Variants in RAB8B observed in about 807,000 individuals in gnomAD.
The protein encoded by RAB8B is RAB8B, member RAS oncogene family.
A neutral mutation model predicts 32.0 loss-of-function variants in RAB8B; 11 were observed. The observed-to-expected ratio is 0.34, with a 90% CI of 0.22 to 0.57. RAB8B has a LOEUF of 0.57. RAB8B is among the 20% of genes least tolerant of loss of function. The pLI, the probability that RAB8B is intolerant of heterozygous loss-of-function variation, is 0.86. For synonymous variants in RAB8B, 103 were observed against 89.6 expected, an observed-to-expected ratio of 1.15 and a Z score of -0.85; for missense variants, 190 against 258.5, an observed-to-expected ratio of 0.73 and a Z score of 1.82.
chr15:63,257,885 ACT>A (rs2038171352), intron 5 of RAB8B, among the ~76,000 whole-genome samples: 1 of 151,376 alleles, frequency 6.6e-6, no homozygotes, highest in African/African-American at 2.4e-5. Context: ...ATGGTGAAAC[ACT>A]GTCTCTACTA....
chr15:63,261,287 G>T (rs1031952504), intron 6 of RAB8B, among the ~76,000 whole-genome samples: 4 of 152,270 alleles, frequency 2.6e-5, no homozygotes, highest in Admixed American at 1.3e-4. Flanking sequence ...TGCTGGAAAG[G>T]ATGTAGAGAA....
chr15:63,260,079 C>A (rs1220210415), intron 6 of RAB8B, among the ~76,000 whole-genome samples: 1 of 152,224 alleles, frequency 6.6e-6, no homozygotes, highest in South Asian at 2.1e-4. Flanking sequence ...GTGATCCCCT[C>A]TCCTTGGCCT....
intron 1 of RAB8B, among the ~76,000 whole-genome samples, chr15:63,206,873 C>T (rs568853176): frequency 2.6e-4 from 40 of 152,116 alleles, no homozygotes; most frequent in Non-Finnish European, 4.9e-4. Flanking sequence ...AAACTGCACT[C>T]AGGTCATCAT....
chr15:63,205,464 C>T (rs181862692), intron 1 of RAB8B, among the ~76,000 whole-genome samples: 5 of 152,192 alleles, frequency 3.3e-5, no homozygotes, highest in Admixed American at 3.3e-4. Context: ...CACCATTGTA[C>T]TCCAGCCTGG....
At chr15:63,253,174 A>G (rs2038130995) in intron 3 of RAB8B, among the ~76,000 whole-genome samples, 2 of 152,238 alleles carry the variant, frequency 1.3e-5, no homozygotes, top group South Asian at 4.1e-4. Flanking sequence ...TTTGTCATTT[A>G]AACAATAATG....
intron 1 of RAB8B, among the ~76,000 whole-genome samples, chr15:63,216,355 A>T (rs888784506): frequency 6.6e-6 from 1 of 150,940 alleles, no homozygotes; most frequent in Non-Finnish European, 1.5e-5. Context: ...CAACCTCCCA[A>T]GTATCTGGGA....
chr15:63,221,963 T>C (rs570377011), intron 1 of RAB8B, among the ~76,000 whole-genome samples: 1 of 152,340 alleles, frequency 6.6e-6, no homozygotes, highest in East Asian at 1.9e-4. Flanking sequence ...TTATTGCAGC[T>C]GAGGATTAAC....
chr15:63,262,214 T>G (rs904025126), intron 6 of RAB8B, among the ~76,000 whole-genome samples: 2 of 152,110 alleles, frequency 1.3e-5, no homozygotes, highest in African/African-American at 4.8e-5. Context: ...GGAAGTGGGG[T>G]AGCTTAGACA....
In RAB8B at chr15:63,266,111, G is replaced by C. The variant is rs994028984; in HGVS notation, c.*2492G>C. 1 of 152,530 alleles carries C rather than the reference G, an allele frequency of 6.6e-6. No homozygotes were observed. The highest frequency in any genetic ancestry group is 2.4e-5 in the African/African-American group (1 of 41,434). The allele number at this position is 152,530 out of a possible 1,614,324, so 9.4% of individuals were successfully genotyped here. ...TGAATTTAATGACAGATAATTGTCT[G>C]TTCCCCGCTGAAACTGAAGAAATCT... is the stretch of plus-strand genomic sequence containing the variant. On this transcript the variant is annotated 3_prime_UTR_variant, in exon 8 of 8. Transcript: ENST00000321437.
intron 1 of RAB8B, among the ~76,000 whole-genome samples, chr15:63,191,728 C>T (rs535728346): frequency 3.0e-4 from 45 of 152,278 alleles, no homozygotes; most frequent in African/African-American, 1.0e-3. Flanking sequence ...TATCTCCTGC[C>T]TTGAAAGTAA....
chr15:63,238,823 C>T (rs911946548), intron 1 of RAB8B, among the ~76,000 whole-genome samples: 1 of 152,036 alleles, frequency 6.6e-6, no homozygotes, highest in Non-Finnish European at 1.5e-5. Context: ...TGGTAATTCC[C>T]CGTGGCAGTG....
intron 1 of RAB8B, among the ~76,000 whole-genome samples, chr15:63,235,345 C>T (rs1468832088): frequency 1.3e-5 from 2 of 152,018 alleles, no homozygotes; most frequent in East Asian, 1.9e-4. Context: ...TCTAAGGTAC[C>T]GCTCATCTCT....
At chr15:63,215,963 A>C (rs1396785530) in intron 1 of RAB8B, among the ~76,000 whole-genome samples, 1 of 151,934 alleles carries the variant, frequency 6.6e-6, no homozygotes, top group Non-Finnish European at 1.5e-5. Flanking sequence ...ACTTGAACCC[A>C]GGAGGTTGAG....
At chr15:63,261,285 A>G (rs572131788) in intron 6 of RAB8B, among the ~76,000 whole-genome samples, 43 of 152,338 alleles carry the variant, frequency 2.8e-4, no homozygotes, top group African/African-American at 9.9e-4. Context: ...AATGCTGGAA[A>G]GGATGTAGAG....
chr15:63,251,137 A>G (rs2038113968), intron 3 of RAB8B: 3 of 391,150 alleles, frequency 7.7e-6, no homozygotes, highest in Non-Finnish European at 1.5e-5. Context: ...ACTCCACCCT[A>G]TAATACTTTT....
intron 1 of RAB8B, among the ~76,000 whole-genome samples, chr15:63,211,154 C>T (rs187107962): frequency 1.2e-4 from 19 of 152,344 alleles, no homozygotes; most frequent in Admixed American, 1.1e-3. Context: ...GAAAGACCAG[C>T]TCTGCTTTTA....
chr15:63,247,954 T>C (rs966983997), intron 2 of RAB8B, among the ~76,000 whole-genome samples: 2 of 152,216 alleles, frequency 1.3e-5, no homozygotes, highest in Admixed American at 6.5e-5. Flanking sequence ...TTTCCATCCA[T>C]TGGTATTGAA....
rs151092108 is a variant in RAB8B at position 63,223,135 on chromosome 15, G to A, written c.125-21621G>A. On this transcript the variant is annotated intron_variant, in intron 1 of 7. Coordinates refer to ENST00000321437, the MANE Select transcript of RAB8B (RefSeq NM_016530.3). ...CTTATTTTTTGTTATTTTTTGAGAC[G>A]GAATCTTGCTCTGTCACCCAGGCTG... The A allele has an allele frequency of 7.7e-5, 34 of 439,356 alleles. 1 individual carries two copies. In the East Asian group the frequency reaches 1.8e-3, roughly 23 times the overall value. 27.2% of individuals were successfully genotyped at this position (439,356 alleles called of 1,614,324 possible).
chr15:63,252,548 A>G (rs1383738610), intron 3 of RAB8B, among the ~76,000 whole-genome samples: 1 of 152,076 alleles, frequency 6.6e-6, no homozygotes, highest in Non-Finnish European at 1.5e-5. Context: ...TGGCATATAA[A>G]TGATCTGGGT....
Sources: gnomAD v4.1 joint callset for allele counts (sites outside exome capture counted in the v4.1 genomes callset) on GRCh38, gnomAD v4.1.1 for gene constraint, MANE v1.5 for transcripts, NCBI Gene and HGNC (gene_info 2026-07-23, HGNC 2026-07-21) for gene names.